Variants in GNAO1 observed in about 807,000 individuals in gnomAD.
GNAO1 encodes G protein subunit alpha o1.
For synonymous variants in GNAO1, 164 were observed against 180.7 expected, an observed-to-expected ratio of 0.91 and a Z score of 0.74; for missense variants, 166 against 478.7, an observed-to-expected ratio of 0.35 and a Z score of 6.10.
chr16:56,217,174 T>G lies in GNAO1; in HGVS notation c.161+24558T>G, dbSNP rs530206458. On this transcript the variant is annotated intron_variant, in intron 2 of 8. Transcript: ENST00000262493. ...AGTTTTTTCATGCTGAAACCATTCA[T>G]CTTTCGAGTTTTCCTAATAAATAAA... Among the ~76,000 whole-genome samples, 25 of 152,382 alleles carry G rather than the reference T, an allele frequency of 1.6e-4. 1 individual carries two copies. The highest frequency in any genetic ancestry group is 6.0e-4 in the African/African-American group (25 of 41,584).
intron 4 of GNAO1, among the ~76,000 whole-genome samples, chr16:56,331,488 C>T (rs1488339915): frequency 6.6e-6 from 1 of 152,186 alleles, no homozygotes; most frequent in Non-Finnish European, 1.5e-5. Flanking sequence ...TAGCCCAGTC[C>T]TATCCTGGGG....
At chr16:56,226,809 G>T (rs910707760) in intron 2 of GNAO1, among the ~76,000 whole-genome samples, 1 of 152,178 alleles carries the variant, frequency 6.6e-6, no homozygotes, top group Non-Finnish European at 1.5e-5. Flanking sequence ...CTTAACCAAG[G>T]TTGTACAATC....
In GNAO1 at chr16:56,334,813, T is replaced by G. The variant is rs767417261; in HGVS notation, c.549T>G (p.Thr183=). 2.5e-6 allele frequency: 4 copies of G among 1,614,018 alleles called. No individual in the cohort carries two copies. The highest frequency in any genetic ancestry group is 2.7e-5 in the African/African-American group (2 of 75,052). ...QDILRTRVKT[T]GIVETHFTFK... The stretch of plus-strand genomic sequence containing the variant: ...TCCTCCGAACCAGGGTCAAAACCAC[T>G]GGCATCGTAGAAACCCACTTCACAT... Residue 183 remains threonine (T), a synonymous_variant, in exon 5 of 9, where the codon ACT becomes ACG. Coordinates refer to ENST00000262493, the MANE Select transcript of GNAO1 (RefSeq NM_020988.3).
intron 3 of GNAO1, among the ~76,000 whole-genome samples, chr16:56,316,890 G>C (rs2037516474): frequency 6.6e-6 from 1 of 152,206 alleles, no homozygotes; most frequent in South Asian, 2.1e-4. Context: ...GCCAGGAGTG[G>C]GAAACTGCAC....
intron 2 of GNAO1, among the ~76,000 whole-genome samples, chr16:56,252,069 C>G (rs998679023): frequency 2.0e-5 from 3 of 152,188 alleles, no homozygotes; most frequent in African/African-American, 4.8e-5. Context: ...ATCATCCTCC[C>G]GCCCTCAAAG....
intron 6 of GNAO1, among the ~76,000 whole-genome samples, chr16:56,340,130 C>T (rs141150215): frequency 1.6e-4 from 24 of 152,332 alleles, no homozygotes; most frequent in African/African-American, 5.5e-4. Context: ...CTCTCTTTCT[C>T]TTGTTGGGTT....
chr16:56,236,493 C>G (rs2143413270), intron 2 of GNAO1, among the ~76,000 whole-genome samples: 1 of 152,286 alleles, frequency 6.6e-6, no homozygotes, highest in East Asian at 1.9e-4. Context: ...CCAGATAGGT[C>G]TGGACCTCAG....
rs543423147 is a variant in GNAO1 at position 56,326,839 on chromosome 16, A to G, written c.304-1792A>G. ...ACATTAAAGGCTGTGGCTGCCTCAGACGGAGCACATATCTTCCTGGGCAAG... is the reference window on the plus strand; with the variant it reads ...ACATTAAAGGCTGTGGCTGCCTCAGGCGGAGCACATATCTTCCTGGGCAAG... On this transcript the variant is annotated intron_variant, in intron 3 of 8. Transcript: ENST00000262493. This position sits in a 1 kb window ranked among gnomAD's most constrained non-coding sequence, Gnocchi z 4.8. Among the ~76,000 whole-genome samples the G allele has an allele frequency of 7.7e-4, 117 of 152,304 alleles. No homozygotes were observed. Among genetic ancestry groups the G allele is most frequent in the African/African-American group, 2.5e-3 (105 of 41,558 alleles).
chr16:56,192,475 C>G, intron 1 of GNAO1, 99 bp from the exon 2 acceptor site: 1 of 923,754 alleles, frequency 1.1e-6, no homozygotes, highest in Non-Finnish European at 1.8e-6. Flanking sequence ...CACCATGTGC[C>G]CAGGATCGCC....
At chr16:56,336,081 C>T (rs573647272) in intron 5 of GNAO1, among the ~76,000 whole-genome samples, 9 of 152,294 alleles carry the variant, frequency 5.9e-5, no homozygotes, top group Non-Finnish European at 7.3e-5. Context: ...ACTTCCAGGA[C>T]GTAAGTCCCA....
intron 2 of GNAO1, chr16:56,194,134 C>T (rs568026428): frequency 2.2e-6 from 1 of 456,522 alleles, no homozygotes; most frequent in South Asian, 1.5e-5. Context: ...TTCCCATCTG[C>T]TTGACATGTT....
chr16:56,248,382 G>T (rs1403836559), intron 2 of GNAO1, among the ~76,000 whole-genome samples: 1 of 152,170 alleles, frequency 6.6e-6, no homozygotes, highest in Non-Finnish European at 1.5e-5. Context: ...CACCTACTGT[G>T]TCCAAAGCCA....
chr16:56,327,497 G>A (rs1003145415), intron 3 of GNAO1, among the ~76,000 whole-genome samples: 1 of 152,110 alleles, frequency 6.6e-6, no homozygotes, highest in Non-Finnish European at 1.5e-5. Context: ...AGGTTCTGAG[G>A]ACGGAGTGTG....
At chr16:56,201,643 G>T (rs1465218379) in intron 2 of GNAO1, among the ~76,000 whole-genome samples, 2 of 152,218 alleles carry the variant, frequency 1.3e-5, no homozygotes, top group Non-Finnish European at 2.9e-5. Flanking sequence ...GGTAGTGTGG[G>T]TGGGGAAAGG....
chr16:56,256,704 CTCTCTCTCTCTCTCTGTGTGTGTG>C (rs2036851128), intron 2 of GNAO1, among the ~76,000 whole-genome samples: 2 of 118,548 alleles, frequency 1.7e-5, no homozygotes, highest in African/African-American at 6.8e-5. Context: ...CTCTCTCTCT[CTCTCTCTCTCTCTCTGTGTGTGTG>C]TGTGTGTGTG....
At chr16:56,224,032 G>A (rs1233274615) in intron 2 of GNAO1, among the ~76,000 whole-genome samples, 1 of 152,220 alleles carries the variant, frequency 6.6e-6, no homozygotes, top group Non-Finnish European at 1.5e-5. Context: ...TTATACCTGG[G>A]AATCTGAGGC....
intron 3 of GNAO1, among the ~76,000 whole-genome samples, chr16:56,294,241 T>G (rs1229309915): frequency 6.6e-6 from 1 of 151,108 alleles, no homozygotes; most frequent in Non-Finnish European, 1.5e-5. Flanking sequence ...AAGCTTCCCA[T>G]AGGCGGGATG....
At chr16:56,206,819 T>C (rs1313065154) in intron 2 of GNAO1, among the ~76,000 whole-genome samples, 1 of 152,230 alleles carries the variant, frequency 6.6e-6, no homozygotes, top group Non-Finnish European at 1.5e-5. Context: ...ACAGGGACGG[T>C]TGCACAGTCC....
At chr16:56,221,675 C>T (rs796514190) in intron 2 of GNAO1, among the ~76,000 whole-genome samples, 16 of 119,264 alleles carry the variant, frequency 1.3e-4, no homozygotes, top group African/African-American at 4.9e-4. Context: ...AAAAAAAAAA[C>T]ATGGGACCAG....
Sources: allele counts gnomAD v4.1 joint callset (sites outside exome capture counted in the v4.1 genomes callset), GRCh38; gene constraint gnomAD v4.1.1; non-coding constraint Gnocchi (gnomAD v3.1); transcripts MANE v1.5; gene names NCBI Gene and HGNC (gene_info 2026-07-23, HGNC 2026-07-21).